PARD6G: variants seen among roughly 807,000 people sequenced by gnomAD.
PARD6G encodes the protein partitioning defective 6 homolog gamma.
PARD6G carries 7 observed loss-of-function variants against 10.7 expected under a neutral mutation model. The observed-to-expected ratio is 0.66, with a 90% CI of 0.37 to 1.23. The LOEUF (loss-of-function observed/expected upper bound fraction) is 1.23. Among genes scored for constraint, PARD6G ranks in the 50% most tolerant of loss-of-function variants. PARD6G has a pLI of 0.02. For missense variants in PARD6G, 548 were observed against 571.8 expected (o/e 0.96, Z 0.42); for synonymous variants, 287 against 269.4 (o/e 1.07, Z -0.64).
intron 2 of PARD6G, among the ~76,000 whole-genome samples, chr18:80,176,899 A>G (rs1483432553): frequency 3.9e-5 from 6 of 152,030 alleles, no homozygotes; most frequent in African/African-American, 7.3e-5. Flanking sequence ...AAGCACGCAC[A>G]CACACATACA....
At chr18:80,204,911 C>T (rs1287358485) in intron 1 of PARD6G, among the ~76,000 whole-genome samples, 4 of 152,104 alleles carry the variant, frequency 2.6e-5, no homozygotes, top group African/African-American at 9.7e-5. Context: ...AAGATCATGC[C>T]ACCGCACTCC....
intron 1 of PARD6G, among the ~76,000 whole-genome samples, chr18:80,219,903 C>G (rs1313782357): frequency 6.6e-6 from 1 of 152,160 alleles, no homozygotes; most frequent in East Asian, 1.9e-4. Context: ...TCTGAGCCCT[C>G]CAAACTGTTC....
intron 1 of PARD6G, among the ~76,000 whole-genome samples, chr18:80,233,035 C>G (rs1404530064): frequency 6.6e-6 from 1 of 151,152 alleles, no homozygotes; most frequent in African/African-American, 2.4e-5. Flanking sequence ...AACAGTGAGA[C>G]CCTCAAGGGA....
intron 1 of PARD6G, among the ~76,000 whole-genome samples, chr18:80,203,487 A>G (rs1465777756): frequency 6.6e-6 from 1 of 152,200 alleles, no homozygotes; most frequent in African/African-American, 2.4e-5. Flanking sequence ...GGGACAGCTC[A>G]GTCATCAACA....
In PARD6G at chr18:80,201,696, G is replaced by A. The variant is rs561804150; in HGVS notation, c.295+1014C>T. ...TAGCTAGTATTTACAGAGCAGGGACGAGGAGCTGGCAGCACGCTGCTCAGC... is the reference window on the plus strand; with the variant it reads ...TAGCTAGTATTTACAGAGCAGGGACAAGGAGCTGGCAGCACGCTGCTCAGC... On this transcript the variant is annotated intron_variant, in intron 2 of 2. Transcript: ENST00000353265. This position sits in a 1 kb window ranked among gnomAD's most constrained non-coding sequence, Gnocchi z 5.9. Among the ~76,000 whole-genome samples, 1 of 152,340 alleles carries A rather than the reference G, an allele frequency of 6.6e-6. No individual in the cohort carries two copies. The highest frequency in any genetic ancestry group is 2.1e-4 in the South Asian group (1 of 4,826).
At chr18:80,206,075 A>G (rs1967051036) in intron 1 of PARD6G, among the ~76,000 whole-genome samples, 1 of 152,234 alleles carries the variant, frequency 6.6e-6, no homozygotes, top group Non-Finnish European at 1.5e-5. Context: ...AACCTAAAAC[A>G]CATCTCAGTT....
chr18:80,242,954 C>T (rs943060448), intron 1 of PARD6G, among the ~76,000 whole-genome samples: 5 of 152,218 alleles, frequency 3.3e-5, no homozygotes, highest in African/African-American at 1.2e-4. Flanking sequence ...TATGAAACAG[C>T]ATCTATAAAT....
At chr18:80,185,602 G>T (rs1419357334) in intron 2 of PARD6G, among the ~76,000 whole-genome samples, 1 of 151,810 alleles carries the variant, frequency 6.6e-6, no homozygotes, top group Non-Finnish European at 1.5e-5. Context: ...CAAGGGACAC[G>T]CACATGCTCC....
At chr18:80,212,482 G>T (rs1431008536) in intron 1 of PARD6G, among the ~76,000 whole-genome samples, 1 of 152,228 alleles carries the variant, frequency 6.6e-6, no homozygotes, top group Non-Finnish European at 1.5e-5. Flanking sequence ...CTGCATGGTG[G>T]TGGGAGGTGC....
intron 1 of PARD6G, among the ~76,000 whole-genome samples, chr18:80,216,006 T>C (rs1432932031): frequency 1.3e-5 from 2 of 152,042 alleles, no homozygotes; most frequent in African/African-American, 4.8e-5. Context: ...AAATAGACTT[T>C]AATGCAAGAG....
At chr18:80,178,693 G>A (rs1224949925) in intron 2 of PARD6G, among the ~76,000 whole-genome samples, 1 of 152,212 alleles carries the variant, frequency 6.6e-6, no homozygotes, top group African/African-American at 2.4e-5. Context: ...AGCTCACAGA[G>A]TTTGAAGGAG....
At chr18:80,224,548 T>G (rs896796294) in intron 1 of PARD6G, among the ~76,000 whole-genome samples, 1 of 152,046 alleles carries the variant, frequency 6.6e-6, no homozygotes. Flanking sequence ...AGCTTCCCAA[T>G]TGAAAGTGAC....
chr18:80,199,993 T>C (rs1966994316), intron 2 of PARD6G, among the ~76,000 whole-genome samples: 1 of 152,182 alleles, frequency 6.6e-6, no homozygotes, highest in African/African-American at 2.4e-5. Flanking sequence ...TATTCCAACA[T>C]GTATTAGGAG....
chr18:80,171,315 C>G (rs960355888), intron 2 of PARD6G: 2 of 152,156 alleles, frequency 1.3e-5, no homozygotes, highest in African/African-American at 4.8e-5. Flanking sequence ...TGGGGGTCTC[C>G]ACCCTCCTGG....
At position 80,180,345 on chromosome 18, in the gene PARD6G, G is replaced by A. The variant is rs1224311660; in HGVS notation, c.296-19739C>T. Among the ~76,000 whole-genome samples the A allele has an allele frequency of 1.3e-5, 2 of 152,212 alleles. No homozygotes were observed. The highest frequency in any genetic ancestry group is 4.8e-5 in the African/African-American group (2 of 41,456). On this transcript the variant is annotated intron_variant, in intron 2 of 2. Coordinates refer to ENST00000353265, the MANE Select transcript of PARD6G (RefSeq NM_032510.4). The surrounding 1 kb of genome is among the most constrained non-coding windows in gnomAD (Gnocchi z 5.6). ...AGCGACAGCTGGGGCCGGCAGGTGA[G>A]GACACGCAGCTGGGAGGGGCGCAGC... is the stretch of plus-strand genomic sequence containing the variant.
In PARD6G at chr18:80,181,238, C is replaced by T. The variant is rs1388770120; in HGVS notation, c.296-20632G>A. The stretch of plus-strand genomic sequence containing the variant: ...GTGTGCACCAAGCATGCCAGGGACC[C>T]CAGGTCACACGCCCCTGGGGGATAG... On this transcript the variant is annotated intron_variant, in intron 2 of 2. Transcript: ENST00000353265. This position sits in a 1 kb window ranked among gnomAD's most constrained non-coding sequence, Gnocchi z 7.9. Among the ~76,000 whole-genome samples the T allele has an allele frequency of 6.6e-6, 1 of 152,070 alleles. No homozygotes were observed. The highest frequency in any genetic ancestry group is 1.5e-5 in the Non-Finnish European group (1 of 67,984).
Position 80,161,360 on chromosome 18 carries a change from T to TCCGCCTGCCC in PARD6G, c.296-764_296-755dup, listed in dbSNP as rs1395562852. 6.6e-6 allele frequency among the ~76,000 whole-genome samples: 1 copy of TCCGCCTGCCC among 152,080 alleles called. No homozygotes were observed. The highest frequency in any genetic ancestry group is 1.5e-5 in the Non-Finnish European group (1 of 67,998). ...CAGGTCTCCCAGGGACCCTGTGGGA[T>TCCGCCTGCCC]CCGCCTGCCCACACCTGCCAGCCTG... On this transcript the variant is annotated intron_variant, in intron 2 of 2. Transcript: ENST00000353265. The surrounding 1 kb of genome is among the most constrained non-coding windows in gnomAD (Gnocchi z 4.6).
intron 1 of PARD6G, among the ~76,000 whole-genome samples, chr18:80,215,813 G>A (rs1021887530): frequency 7.9e-5 from 12 of 152,108 alleles, no homozygotes; most frequent in African/African-American, 2.9e-4. Flanking sequence ...GAAAAAGGCA[G>A]AGATTGGCAA....
intron 2 of PARD6G, chr18:80,178,177 C>G (rs2052827328): frequency 6.0e-6 from 1 of 166,984 alleles, no homozygotes; most frequent in Non-Finnish European, 1.5e-5. Flanking sequence ...GTGGAGATAT[C>G]ATTGGAAAAG....
Sources: allele counts gnomAD v4.1 joint callset (sites outside exome capture counted in the v4.1 genomes callset), GRCh38; gene constraint gnomAD v4.1.1; non-coding constraint Gnocchi (gnomAD v3.1); transcripts MANE v1.5; gene names NCBI Gene and HGNC (gene_info 2026-07-23, HGNC 2026-07-21).